EYS: variants seen among roughly 807,000 people sequenced by gnomAD.
EYS encodes the protein protein eyes shut homolog.
In EYS, 250 loss-of-function variants were observed where a neutral mutation model predicts 282.1. The ratio of observed to expected loss-of-function variants is 0.89; its 90% confidence interval spans 0.80 to 0.98. EYS has a LOEUF of 0.98. EYS is among the 50% of genes least tolerant of loss of function. EYS has a pLI of 0.00. For missense variants in EYS, 4,016 were observed against 3,709.0 expected (o/e 1.08, Z -2.15); for synonymous variants, 1,355 against 1,282.9 (o/e 1.06, Z -1.20).
At chr6:64,789,719 T>G (rs537923945) in intron 22 of EYS, among the ~76,000 whole-genome samples, 1 of 152,168 alleles carries the variant, frequency 6.6e-6, no homozygotes, top group East Asian at 1.9e-4. Context: ...TGTAAGCCTT[T>G]CTTTTTTTTA....
At chr6:64,802,947 G>A (rs975444045) in intron 22 of EYS, among the ~76,000 whole-genome samples, 2 of 152,200 alleles carry the variant, frequency 1.3e-5, no homozygotes, top group Non-Finnish European at 2.9e-5. Context: ...AGCTGCTGTG[G>A]TGAGGCGGGC....
chr6:63,937,170 A>G (rs1010823562), intron 35 of EYS, among the ~76,000 whole-genome samples: 3 of 152,022 alleles, frequency 2.0e-5, no homozygotes, highest in African/African-American at 4.8e-5. Flanking sequence ...GGAATCGGAT[A>G]TAGTCCTTGT....
chr6:65,335,286 T>C (rs1048004225), intron 10 of EYS, 140 bp from the exon 11 acceptor site: 7 of 708,676 alleles, frequency 9.9e-6, no homozygotes, highest in African/African-American at 3.5e-5. Flanking sequence ...AAGGTAACTA[T>C]TGGACAAGGG....
At chr6:64,040,391 A>G (rs767259092) in intron 33 of EYS, among the ~76,000 whole-genome samples, 3 of 152,166 alleles carry the variant, frequency 2.0e-5, no homozygotes, top group Non-Finnish European at 4.4e-5. Context: ...CATTATGTGT[A>G]TTTGATAACT....
At chr6:65,084,569 G>A (rs1053248556) in intron 12 of EYS, among the ~76,000 whole-genome samples, 10 of 152,118 alleles carry the variant, frequency 6.6e-5, no homozygotes, top group South Asian at 4.2e-4. Flanking sequence ...CTTCACTGTC[G>A]TGTATCCTAT....
intron 7 of EYS, among the ~76,000 whole-genome samples, chr6:65,401,214 T>C (rs13195468): frequency 6.6e-6 from 1 of 151,862 alleles, no homozygotes; most frequent in African/African-American, 2.4e-5. Flanking sequence ...TTTATTATTA[T>C]ATTCACTGAT....
intron 32 of EYS, among the ~76,000 whole-genome samples, chr6:64,080,492 C>G (rs1771927375): frequency 6.6e-6 from 1 of 151,998 alleles, no homozygotes; most frequent in South Asian, 2.1e-4. Flanking sequence ...AAAATTTTCT[C>G]CCATTCTGTA....
chr6:65,034,314 G>C (rs887550819), intron 13 of EYS, among the ~76,000 whole-genome samples: 3 of 152,170 alleles, frequency 2.0e-5, no homozygotes, highest in South Asian at 4.1e-4. Context: ...GGATTACTGG[G>C]AAGGATGATT....
intron 2 of EYS, among the ~76,000 whole-genome samples, chr6:65,562,157 C>A (rs1408183402): frequency 6.6e-6 from 1 of 151,914 alleles, no homozygotes; most frequent in African/African-American, 2.4e-5. Flanking sequence ...TATATTTCCT[C>A]TGGAAGAAGC....
chr6:65,239,028 A>C (rs1245651921), intron 12 of EYS, among the ~76,000 whole-genome samples: 1 of 152,052 alleles, frequency 6.6e-6, no homozygotes, highest in Admixed American at 6.6e-5. Context: ...AGAATATCAT[A>C]GGCTTACTAA....
Position 65,084,653 on chromosome 6 carries a change from A to C in EYS, c.2024-26926T>G, listed in dbSNP as rs149843633. On this transcript the variant is annotated intron_variant, in intron 12 of 42. Transcript: ENST00000503581. ...TTCCTCATACCCCTGGAAATGTATC[A>C]GGTTTTTACTTCCCTACAATCATCT... is the stretch of plus-strand genomic sequence containing the variant. Among the ~76,000 whole-genome samples, 120 of 152,274 alleles carry C rather than the reference A, an allele frequency of 7.9e-4. 1 individual carries two copies. The East Asian group carries it at 0.014, about 18-fold the overall frequency.
intron 22 of EYS, among the ~76,000 whole-genome samples, chr6:64,681,618 G>A (rs1191682890): frequency 6.6e-6 from 1 of 152,120 alleles, no homozygotes; most frequent in East Asian, 1.9e-4. Context: ...TCACGGCCGG[G>A]CGCGGTGGCT....
chr6:64,575,518 G>T (rs2149820556), intron 26 of EYS, among the ~76,000 whole-genome samples: 1 of 152,218 alleles, frequency 6.6e-6, no homozygotes, highest in East Asian at 1.9e-4. Flanking sequence ...CTGCCTCAGA[G>T]CATCAGCGAG....
chr6:64,036,222 A>C (rs1770113031), intron 33 of EYS, among the ~76,000 whole-genome samples: 1 of 152,156 alleles, frequency 6.6e-6, no homozygotes, highest in African/African-American at 2.4e-5. Context: ...GATAGAACTT[A>C]AAGTATAATA....
At chr6:64,541,593 C>G (rs143555827) in intron 26 of EYS, among the ~76,000 whole-genome samples, 3 of 151,986 alleles carry the variant, frequency 2.0e-5, no homozygotes, top group South Asian at 2.1e-4. Context: ...TCTTTCTTCA[C>G]GTATTACTAA....
intron 12 of EYS, among the ~76,000 whole-genome samples, chr6:65,266,469 T>G (rs1334468231): frequency 1.3e-5 from 2 of 151,950 alleles, no homozygotes; most frequent in Non-Finnish European, 2.9e-5. Context: ...AAAGATTTGT[T>G]GCATGCATGC....
intron 2 of EYS, among the ~76,000 whole-genome samples, chr6:65,637,642 C>G (rs1031053067): frequency 3.9e-5 from 6 of 152,190 alleles, no homozygotes; most frequent in African/African-American, 1.4e-4. Flanking sequence ...TGCTCCCTGG[C>G]CTCTCCCCAC....
At chr6:65,394,711 A>G (rs1766206175) in intron 7 of EYS, among the ~76,000 whole-genome samples, 1 of 152,076 alleles carries the variant, frequency 6.6e-6, no homozygotes, top group Non-Finnish European at 1.5e-5. Context: ...TTTCCAAGTC[A>G]TCCCTCACTG....
chr6:65,059,510 A>C (rs189865099), intron 12 of EYS, among the ~76,000 whole-genome samples: 1 of 152,146 alleles, frequency 6.6e-6, no homozygotes. Context: ...GGGAGATTAC[A>C]TATGCTATCT....
Sources: allele counts gnomAD v4.1 joint callset (sites outside exome capture counted in the v4.1 genomes callset), GRCh38; gene constraint gnomAD v4.1.1; transcripts MANE v1.5; gene names NCBI Gene and HGNC (gene_info 2026-07-23, HGNC 2026-07-21).